ANK2: variants seen among roughly 807,000 people sequenced by gnomAD.
The protein encoded by ANK2 is ankyrin 2.
A neutral mutation model predicts 360.5 loss-of-function variants in ANK2; 83 were observed. The observed-to-expected ratio is 0.23, with a 90% CI of 0.19 to 0.28. The LOEUF is 0.28. Ranked by LOEUF, ANK2 falls within the 10% of genes least tolerant of loss-of-function variation. ANK2 has a pLI of 1.00. For missense variants in ANK2, 4,201 were observed against 4,795.7 expected (o/e 0.88, Z 3.66); for synonymous variants, 1,740 against 1,759.5 (o/e 0.99, Z 0.28).
At chr4:112,838,532 C>T (rs193170319) in intron 1 of ANK2, among the ~76,000 whole-genome samples, 75 of 152,314 alleles carry the variant, frequency 4.9e-4, no homozygotes, top group African/African-American at 1.1e-3. Flanking sequence ...TCTTGGACTT[C>T]CTACCTCATC....
chr4:113,087,558 C>T (rs2085467747), intron 1 of ANK2, among the ~76,000 whole-genome samples: 1 of 152,022 alleles, frequency 6.6e-6, no homozygotes, highest in African/African-American at 2.4e-5. Flanking sequence ...AAATTATTAA[C>T]AAGCAATTAA....
chr4:113,197,008 C>G (rs770130177), intron 3 of ANK2, among the ~76,000 whole-genome samples: 2 of 152,192 alleles, frequency 1.3e-5, no homozygotes, highest in Non-Finnish European at 2.9e-5. Flanking sequence ...TTTCCCCCTT[C>G]GATTCACAGA....
intron 1 of ANK2, among the ~76,000 whole-genome samples, chr4:113,053,188 A>G (rs948443991): frequency 1.3e-5 from 2 of 152,208 alleles, no homozygotes; most frequent in African/African-American, 4.8e-5. Context: ...CCTAGCTGAT[A>G]GTACCAGGCC....
rs184918963 is a variant in ANK2 at position 112,940,134 on chromosome 4, G to A, written c.21+35620G>A. 2.2e-4 allele frequency among the ~76,000 whole-genome samples: 34 copies of A among 152,194 alleles called. No individual in the cohort carries two copies. The East Asian group carries it at 6.2e-3, about 28-fold the overall frequency. On this transcript the variant is annotated intron_variant, in intron 2 of 30. Coordinates refer to the ANK2 transcript ENST00000503271. Reference sequence around the variant, plus strand: ...TCATAAACTTCCACCATGTCATCTCGCGTTTCCATTGCCTTAGTAATTTGC... The same window carrying A: ...TCATAAACTTCCACCATGTCATCTCACGTTTCCATTGCCTTAGTAATTTGC...
At chr4:113,026,524 T>C (rs2059322817) in intron 2 of ANK2, among the ~76,000 whole-genome samples, 1 of 152,226 alleles carries the variant, frequency 6.6e-6, no homozygotes. Flanking sequence ...CAGATATTTT[T>C]ATCACATCAA....
chr4:113,158,668 A>T (rs1036936009), intron 1 of ANK2, among the ~76,000 whole-genome samples: 9 of 152,074 alleles, frequency 5.9e-5, no homozygotes, highest in African/African-American at 2.2e-4. Flanking sequence ...CAACCTAAAC[A>T]CCTTTTATTT....
intron 1 of ANK2, among the ~76,000 whole-genome samples, chr4:113,097,864 G>GTATATATACA (rs1369796742): frequency 7.3e-6 from 1 of 136,552 alleles, no homozygotes; most frequent in African/African-American, 2.8e-5. Flanking sequence ...GTGTGTGTGT[G>GTATATATACA]TGTATATATA....
chr4:112,802,706 C>T, the ANK2 span, among the ~76,000 whole-genome samples: 1 of 152,154 alleles, frequency 6.6e-6, no homozygotes, highest in East Asian at 1.9e-4. Context: ...TGAAAAAATA[C>T]TTGAAGTGAC....
At chr4:113,044,447 C>T (rs2063765107) in intron 2 of ANK2, among the ~76,000 whole-genome samples, 1 of 152,186 alleles carries the variant, frequency 6.6e-6, no homozygotes, top group Non-Finnish European at 1.5e-5. Context: ...CTCAAGGCTG[C>T]AACCAACTAT....
At chr4:112,979,212 G>A (rs977372848) in intron 2 of ANK2, among the ~76,000 whole-genome samples, 2 of 152,204 alleles carry the variant, frequency 1.3e-5, no homozygotes, top group African/African-American at 2.4e-5. Flanking sequence ...GTGTGTGAGT[G>A]AGTGTGGGGT....
intron 24 of ANK2, among the ~76,000 whole-genome samples, chr4:113,316,865 C>A (rs1006034160): frequency 1.3e-5 from 2 of 152,184 alleles, no homozygotes; most frequent in African/African-American, 2.4e-5. Context: ...TTTATCAAGG[C>A]CTAAATCCCA....
intron 2 of ANK2, among the ~76,000 whole-genome samples, chr4:112,997,209 C>T (rs1214625592): frequency 2.0e-5 from 3 of 152,028 alleles, no homozygotes; most frequent in African/African-American, 4.8e-5. Flanking sequence ...CTAAATCAAG[C>T]TAATTAACAC....
chr4:113,274,610 C>G lies in ANK2; in HGVS notation c.1644C>G (p.Val548=), dbSNP rs2153688988. The G allele has an allele frequency of 6.2e-7, 1 of 1,614,194 alleles. No homozygotes were observed. Reference sequence around the variant, plus strand: ...AGGGCCAGGTGGATGTGGCATCAGTCCTATTGGAAGCAGGAGCAGCCCACT... The same window carrying G: ...AGGGCCAGGTGGATGTGGCATCAGTGCTATTGGAAGCAGGAGCAGCCCACT... The part of the protein sequence containing the change: ...AREGQVDVAS[V]LLEAGAAHSL... The change falls in exon 15 of 46, where the codon GTC becomes GTG. Residue 548 remains valine (V), a synonymous_variant. Transcript: ENST00000357077.
chr4:112,987,065 A>C (rs2045148798), intron 2 of ANK2, among the ~76,000 whole-genome samples: 1 of 152,240 alleles, frequency 6.6e-6, no homozygotes, highest in Non-Finnish European at 1.5e-5. Context: ...ATAATGTTTT[A>C]AGAAAGTTTA....
At chr4:113,339,937 CA>C (rs2094065319) in intron 32 of ANK2, among the ~76,000 whole-genome samples, 1 of 152,096 alleles carries the variant, frequency 6.6e-6, no homozygotes, top group African/African-American at 2.4e-5. Flanking sequence ...ACATTATGTC[CA>C]TTTTACAGAT....
chr4:112,978,006 G>A (rs1365862610), intron 2 of ANK2, among the ~76,000 whole-genome samples: 1 of 152,154 alleles, frequency 6.6e-6, no homozygotes, highest in African/African-American at 2.4e-5. Flanking sequence ...CACTTTGGGT[G>A]GCCGAGGTAG....
intron 41 of ANK2, 78 bp downstream of exon 41, chr4:113,365,260 C>T (rs2096475287): frequency 1.4e-6 from 2 of 1,457,212 alleles, no homozygotes; most frequent in East Asian, 4.8e-5. Context: ...AATTGAGGCA[C>T]TGGACCTACT....
chr4:113,110,997 C>G (rs1022950705), intron 1 of ANK2, among the ~76,000 whole-genome samples: 14 of 151,958 alleles, frequency 9.2e-5, no homozygotes, highest in Non-Finnish European at 1.9e-4. Context: ...ATTTACTGGC[C>G]AAGCATACTG....
chr4:112,973,249 C>T (rs1260771270), intron 2 of ANK2, among the ~76,000 whole-genome samples: 1 of 150,584 alleles, frequency 6.6e-6, no homozygotes, highest in African/African-American at 2.4e-5. Flanking sequence ...GATTGAAATG[C>T]ATGTCTTTCA....
Sources: allele counts gnomAD v4.1 joint callset (sites outside exome capture counted in the v4.1 genomes callset), GRCh38; gene constraint gnomAD v4.1.1; transcripts MANE v1.5; gene names NCBI Gene and HGNC (gene_info 2026-07-23, HGNC 2026-07-21).